Variants in NUP62 observed in about 807,000 individuals in gnomAD.
The protein encoded by NUP62 is nucleoporin 62.
For synonymous variants in NUP62, 305 were observed against 303.4 expected (o/e 1.01, Z -0.05); for missense variants, 647 against 689.4 (o/e 0.94, Z 0.69).
At chr19:49,913,707 G>A (rs7257503) in intron 2 of NUP62, among the ~76,000 whole-genome samples, 26,983 of 152,114 alleles carry the variant, frequency 0.18, 2,599 homozygotes, top group Non-Finnish European at 0.22. Context: ...ATAATAAACC[G>A]TGACCGTGAC....
chr19:49,908,741 G>A lies in NUP62; in HGVS notation c.1067C>T (p.Thr356Ile). ...CGTGCGGTCCCAGGCGTTGACCTGGGTGGCCTGCTGGAGGAAGTGCCGCTC... is the reference window on the plus strand; with the variant it reads ...CGTGCGGTCCCAGGCGTTGACCTGGATGGCCTGCTGGAGGAAGTGCCGCTC... ...DQERHFLQQATQVNAWDRTLI... is the reference protein window; with the variant it reads ...DQERHFLQQAIQVNAWDRTLI... Residue 356 changes from threonine to isoleucine, a missense_variant, in exon 3 of 3, where the codon ACC becomes ATC. Thr to Ile is a moderately conservative substitution (Grantham distance 89, BLOSUM62 -1). Coordinates refer to ENST00000352066, the MANE Select transcript of NUP62 (RefSeq NM_016553.5). 1 of 1,613,500 alleles carries A rather than the reference G, an allele frequency of 6.2e-7. No homozygotes were observed.
In NUP62 at chr19:49,916,516, G is replaced by A. The variant is rs142956514; in HGVS notation, c.-77-6632C>T. On this transcript the variant is annotated intron_variant, in intron 2 of 2. Transcript: ENST00000352066. ...AGGCCAGGCGCGGTGGCTCACGCCT[G>A]TAATCCCAGCACTTTGGAAGGCCGA... 7.2e-3 allele frequency among the ~76,000 whole-genome samples: 1,094 copies of A among 152,046 alleles called. 6 individuals carry two copies. Among genetic ancestry groups the A allele is most frequent in the African/African-American group, 0.02 (845 of 41,472 alleles).
chr19:49,919,153 CA>C (rs2075703288), intron 2 of NUP62, among the ~76,000 whole-genome samples: 1 of 152,026 alleles, frequency 6.6e-6, no homozygotes, highest in African/African-American at 2.4e-5. Flanking sequence ...AACTCGGTCT[CA>C]AAAAAACAAA....
intron 2 of NUP62, among the ~76,000 whole-genome samples, chr19:49,918,152 G>A (rs908741967): frequency 6.0e-5 from 9 of 151,116 alleles, no homozygotes; most frequent in African/African-American, 1.5e-4. Context: ...CTGCAGCCTC[G>A]ACTTTCTGGG....
In NUP62 at chr19:49,909,833, T is replaced by A. The variant is rs1170680997; in HGVS notation, c.-26A>T. On this transcript the variant is annotated 5_prime_UTR_variant, in exon 3 of 3. Coordinates refer to ENST00000352066, the MANE Select transcript of NUP62 (RefSeq NM_016553.5). ...GGCTCCGGACTCTGGTGGCGGCAGC[T>A]ACTCTGGCTCCCAAAGCAAATCCGT... 2 of 1,612,032 alleles carry A rather than the reference T, an allele frequency of 1.2e-6. No homozygotes were observed. The highest frequency in any genetic ancestry group is 1.7e-6 in the Non-Finnish European group (2 of 1,178,828).
chr19:49,911,669 C>T (rs569397159), intron 2 of NUP62, among the ~76,000 whole-genome samples: 15 of 152,340 alleles, frequency 9.8e-5, no homozygotes, highest in African/African-American at 2.9e-4. Flanking sequence ...CAGCTGCACA[C>T]GCTCTGCCTT....
At chr19:49,919,649 C>T (rs931927752) in intron 2 of NUP62, among the ~76,000 whole-genome samples, 2 of 152,166 alleles carry the variant, frequency 1.3e-5, no homozygotes, top group African/African-American at 4.8e-5. Context: ...CTTCCCACTC[C>T]CCAGGCCCAG....
At position 49,909,277 on chromosome 19, in the gene NUP62, C is replaced by T; in HGVS notation, c.531G>A (p.Gly177=). ...QPSGFNIGSA[G]NSAQPTAPAT... is the part of the protein sequence containing the mutation. ...CAGGTGCCGTGGGCTGGGCTGAATT[C>T]CCTGCTGAGCCAATGTTGAAACCGG... Residue 177 remains glycine, a synonymous_variant, in exon 3 of 3, where the codon GGG becomes GGA. Transcript: ENST00000352066. 6.2e-7 allele frequency: 1 copy of T among 1,614,046 alleles called. No individual in the cohort carries two copies. Among genetic ancestry groups the T allele is most frequent in the African/African-American group, 1.3e-5 (1 of 74,982 alleles).
chr19:49,925,883 A>G (rs1260015757), intron 2 of NUP62, among the ~76,000 whole-genome samples: 1 of 152,196 alleles, frequency 6.6e-6, no homozygotes, highest in Non-Finnish European at 1.5e-5. Flanking sequence ...TGTTGAGTCA[A>G]TCTACAATTA....
At chr19:49,925,131 C>T (rs527801631) in intron 2 of NUP62, among the ~76,000 whole-genome samples, 1 of 152,100 alleles carries the variant, frequency 6.6e-6, no homozygotes, top group South Asian at 2.1e-4. Flanking sequence ...TGTGGTGACA[C>T]ATGCCTGTAA....
rs112713398 is a variant in NUP62 at position 49,924,685 on chromosome 19, G to A, written c.-78+3009C>T. ...GTGCACACGAGGGGACTCAGGGTTCGAAGATCTGGGGAGAAGGGTCGCAGG... is the reference window on the plus strand; with the variant it reads ...GTGCACACGAGGGGACTCAGGGTTCAAAGATCTGGGGAGAAGGGTCGCAGG... On this transcript the variant is annotated intron_variant, in intron 2 of 2. Transcript: ENST00000352066. 5.8e-3 allele frequency among the ~76,000 whole-genome samples: 883 copies of A among 152,306 alleles called. 6 individuals carry two copies. Among genetic ancestry groups the A allele is most frequent in the African/African-American group, 0.02 (847 of 41,560 alleles).
chr19:49,914,726 GTTTTTTT>G (rs530372497), intron 2 of NUP62, among the ~76,000 whole-genome samples: 325 of 56,328 alleles, frequency 5.8e-3, no homozygotes, highest in Non-Finnish European at 6.2e-3. Context: ...CCAAGTCCCA[GTTTTTTT>G]TTTTTTTTTT....
chr19:49,914,079 T>C (rs907924291), intron 2 of NUP62, among the ~76,000 whole-genome samples: 8 of 152,150 alleles, frequency 5.3e-5, no homozygotes, highest in Non-Finnish European at 8.8e-5. Context: ...CCAGGCATGA[T>C]GGCTCACACC....
Position 49,909,554 on chromosome 19 carries a change from C to T in NUP62, c.254G>A (p.Gly85Glu), listed in dbSNP as rs1057193121. 15 of 1,614,004 alleles carry T rather than the reference C, an allele frequency of 9.3e-6. No homozygotes were observed. In the Admixed American group the frequency reaches 2.3e-4, roughly 25 times the overall value. ...TFGTATLASG[G>E]TGFSLGIGAS... is the part of the protein sequence containing the mutation. ...ACCGATCCCCAAAGAAAATCCAGTT[C>T]CCCCCGAAGCAAGAGTCGCTGTTCC... The change falls in exon 3 of 3, where the codon GGA becomes GAA. Residue 85 changes from glycine to glutamate, a missense_variant. Transcript: ENST00000352066.
chr19:49,915,578 C>G (rs919703290), intron 2 of NUP62, among the ~76,000 whole-genome samples: 1 of 152,238 alleles, frequency 6.6e-6, no homozygotes, highest in Non-Finnish European at 1.5e-5. Flanking sequence ...TGACTTGTTA[C>G]AGCAGCCACT....
chr19:49,928,460 T>A (rs1451351295), intron 1 of NUP62: 1 of 149,022 alleles, frequency 6.7e-6, no homozygotes, highest in African/African-American at 2.5e-5. Flanking sequence ...GAGTTTGCAG[T>A]GAGCCGAGAT....
At chr19:49,914,492 T>TCCTG in intron 2 of NUP62, among the ~76,000 whole-genome samples, 1 of 152,242 alleles carries the variant, frequency 6.6e-6, no homozygotes, top group Admixed American at 6.5e-5. Context: ...TCCCTTCCCT[T>TCCTG]CCTGCCTGCC....
chr19:49,908,698 T>C lies in NUP62; in HGVS notation c.1110A>G (p.Glu370=), dbSNP rs981277637. The change falls in exon 3 of 3, where the codon GAA becomes GAG. Residue 370 remains glutamate (E), a synonymous_variant. Coordinates refer to ENST00000352066, the MANE Select transcript of NUP62 (RefSeq NM_016553.5). The part of the protein sequence containing the change: ...AWDRTLIENG[E]KITSLHREVE... ...CCTCGCGGTGCAGGCTGGTGATCTT[T>C]TCTCCATTCTCGATCAGCGTGCGGT... 1.9e-6 allele frequency: 3 copies of C among 1,612,448 alleles called. No individual in the cohort carries two copies. Among genetic ancestry groups the C allele is most frequent in the Non-Finnish European group, 2.5e-6 (3 of 1,180,026 alleles).
chr19:49,925,615 C>T (rs2075868415), intron 2 of NUP62, among the ~76,000 whole-genome samples: 2 of 152,220 alleles, frequency 1.3e-5, no homozygotes, highest in Middle Eastern at 3.4e-3. Context: ...AGTCACAGGC[C>T]AGAGGAGGCT....
Sources: gnomAD v4.1 joint callset for allele counts (sites outside exome capture counted in the v4.1 genomes callset) on GRCh38, gnomAD v4.1.1 for gene constraint, MANE v1.5 for transcripts, NCBI Gene and HGNC (gene_info 2026-07-23, HGNC 2026-07-21) for gene names.